Variants in CUX1 observed in about 807,000 individuals in gnomAD.
CUX1 encodes the protein cut like homeobox 1.
CUX1 carries 31 observed loss-of-function variants against 158.8 expected under a neutral mutation model. That is an observed-to-expected ratio of 0.20 (90% CI 0.15 to 0.26). The LOEUF (loss-of-function observed/expected upper bound fraction) is 0.26. Among genes scored for constraint, CUX1 ranks in the 10% least tolerant of loss-of-function variants. The pLI, the probability that CUX1 is intolerant of heterozygous loss-of-function variation, is 1.00. For synonymous variants in CUX1, 879 were observed against 862.1 expected (o/e 1.02, Z -0.34); for missense variants, 1,589 against 2,014.6 (o/e 0.79, Z 4.04).
intron 1 of CUX1, among the ~76,000 whole-genome samples, chr7:101,839,206 G>C (rs1013183179): frequency 2.0e-5 from 3 of 152,138 alleles, no homozygotes; most frequent in Non-Finnish European, 2.9e-5. Context: ...GAATTTGAGG[G>C]GGGTGGACAA....
At chr7:101,930,578 G>A (rs971978260) in intron 2 of CUX1, among the ~76,000 whole-genome samples, 3 of 152,212 alleles carry the variant, frequency 2.0e-5, no homozygotes, top group African/African-American at 7.2e-5. Flanking sequence ...TTGCAAATGT[G>A]AGTGGCATAA....
Position 101,903,172 on chromosome 7 carries a change from G to A in CUX1, c.31-12943G>A, listed in dbSNP as rs114217925. Among the ~76,000 whole-genome samples, 344 of 152,232 alleles carry A rather than the reference G, an allele frequency of 2.3e-3. 2 individuals are homozygous for A. The highest frequency in any genetic ancestry group is 7.9e-3 in the African/African-American group (329 of 41,536). On this transcript the variant is annotated intron_variant, in intron 1 of 23. Transcript: ENST00000292535. ...AAGAGGAGGGGCAGGGTCAGCAGCC[G>A]GCCAGACCTCAGTAGCCCCTCCCCA... is the stretch of plus-strand genomic sequence containing the variant.
At chr7:101,832,481 C>T (rs552528088) in intron 1 of CUX1, among the ~76,000 whole-genome samples, 2 of 152,176 alleles carry the variant, frequency 1.3e-5, no homozygotes, top group East Asian at 1.9e-4. Context: ...TTCGTGCAGA[C>T]GTCCACCCAG....
intron 3 of CUX1, among the ~76,000 whole-genome samples, chr7:102,052,955 G>A (rs1186616480): frequency 6.6e-6 from 1 of 151,998 alleles, no homozygotes; most frequent in Non-Finnish European, 1.5e-5. Context: ...TTACAGGCAC[G>A]TGCCACCATG....
At chr7:101,818,627 T>C (rs1197591354) in intron 1 of CUX1, among the ~76,000 whole-genome samples, 1 of 152,226 alleles carries the variant, frequency 6.6e-6, no homozygotes, top group Non-Finnish European at 1.5e-5. Context: ...AGTCCCTTAT[T>C]TGAACTTCAT....
At chr7:102,203,331 C>A (rs1486732771) in intron 18 of CUX1, among the ~76,000 whole-genome samples, 1 of 152,120 alleles carries the variant, frequency 6.6e-6, no homozygotes, top group East Asian at 1.9e-4. Context: ...CAGCAGGGGA[C>A]AAATCCCACC....
At chr7:102,165,409 G>A (rs1554508463) in intron 9 of CUX1, among the ~76,000 whole-genome samples, 2 of 140,068 alleles carry the variant, frequency 1.4e-5, no homozygotes, top group African/African-American at 5.4e-5. Context: ...CTGGAGTTCA[G>A]TGGCGTGATC....
At chr7:102,235,959 G>T (rs914928736) in intron 22 of CUX1, among the ~76,000 whole-genome samples, 1 of 151,992 alleles carries the variant, frequency 6.6e-6, no homozygotes, top group Non-Finnish European at 1.5e-5. Context: ...AACCCTATGG[G>T]GGTTCCTTTA....
intron 3 of CUX1, among the ~76,000 whole-genome samples, chr7:102,037,502 G>T (rs1428394908): frequency 6.6e-6 from 1 of 151,606 alleles, no homozygotes; most frequent in East Asian, 2.0e-4. Flanking sequence ...ACAAGCATGC[G>T]CCACCACGCC....
intron 18 of CUX1, among the ~76,000 whole-genome samples, chr7:102,203,072 T>G (rs1365566932): frequency 1.3e-5 from 2 of 152,154 alleles, no homozygotes; most frequent in African/African-American, 4.8e-5. Context: ...GTTCAAGCGA[T>G]TCTCCTGCTT....
intron 1 of CUX1, among the ~76,000 whole-genome samples, chr7:101,826,702 G>A (rs1319788683): frequency 6.6e-6 from 1 of 152,138 alleles, no homozygotes; most frequent in Non-Finnish European, 1.5e-5. Flanking sequence ...AGTGGGCAGG[G>A]GGCGCCCACT....
At chr7:102,232,982 G>A (rs782126857) in intron 21 of CUX1, among the ~76,000 whole-genome samples, 16 of 152,144 alleles carry the variant, frequency 1.1e-4, no homozygotes, top group African/African-American at 2.9e-4. Context: ...TGCCTGCCCC[G>A]TTTTCTCAGC....
intron 3 of CUX1, among the ~76,000 whole-genome samples, chr7:102,060,970 G>A (rs931171943): frequency 1.6e-5 from 2 of 125,396 alleles, no homozygotes; most frequent in African/African-American, 6.7e-5. Context: ...TCTAGCCCAG[G>A]CTAGAGTGCA....
chr7:102,150,686 G>A (rs80020592), intron 8 of CUX1, among the ~76,000 whole-genome samples: 3,637 of 152,288 alleles, frequency 0.024, 148 homozygotes, highest in African/African-American at 0.082. Context: ...AATTTCCAGC[G>A]TGGATATAAT....
intron 2 of CUX1, among the ~76,000 whole-genome samples, chr7:101,933,175 C>T (rs974930228): frequency 4.6e-5 from 7 of 152,176 alleles, no homozygotes; most frequent in African/African-American, 7.2e-5. Context: ...TTCTCTCCTA[C>T]CGTGTCTCCA....
chr7:101,909,983 C>A (rs1046853054), intron 1 of CUX1, among the ~76,000 whole-genome samples: 2 of 152,066 alleles, frequency 1.3e-5, no homozygotes, highest in Non-Finnish European at 2.9e-5. Flanking sequence ...GCGGTGGCAC[C>A]ATCTCAGCTC....
chr7:101,821,492 C>A (rs1792499978), intron 1 of CUX1, among the ~76,000 whole-genome samples: 1 of 151,476 alleles, frequency 6.6e-6, no homozygotes, highest in African/African-American at 2.4e-5. Flanking sequence ...GCGCTGGCCA[C>A]CAGGCCTGGC....
At chr7:102,099,622 G>T (rs1829578587) in intron 5 of CUX1, among the ~76,000 whole-genome samples, 1 of 152,006 alleles carries the variant, frequency 6.6e-6, no homozygotes, top group Admixed American at 6.6e-5. Context: ...GCAGTTGCAT[G>T]ATCATAGCTC....
intron 14 of CUX1, among the ~76,000 whole-genome samples, chr7:102,266,512 G>A (rs1236077925): frequency 2.6e-5 from 4 of 151,898 alleles, no homozygotes; most frequent in South Asian, 2.1e-4. Context: ...AAGGAGAGGC[G>A]TGGACTGGAG....
Sources: allele counts gnomAD v4.1 joint callset (sites outside exome capture counted in the v4.1 genomes callset), GRCh38; gene constraint gnomAD v4.1.1; transcripts MANE v1.5; gene names NCBI Gene and HGNC (gene_info 2026-07-23, HGNC 2026-07-21).